The following FANCC variants were observed in gnomAD, a reference collection of about 807,000 sequenced individuals.
The protein encoded by FANCC is Fanconi anemia group C protein.
In FANCC, 55 loss-of-function variants were observed where a neutral mutation model predicts 71.3. That is an observed-to-expected ratio of 0.77 (90% CI 0.62 to 0.97). The LOEUF (loss-of-function observed/expected upper bound fraction) is 0.97. Among genes scored for constraint, FANCC ranks in the 50% least tolerant of loss-of-function variants. FANCC has a pLI of 0.00. For missense variants in FANCC, 678 were observed against 670.9 expected, an observed-to-expected ratio of 1.01 and a Z score of -0.12; for synonymous variants, 275 against 244.9, an observed-to-expected ratio of 1.12 and a Z score of -1.15.
chr9:95,181,587 C>T (rs1162862606), intron 4 of FANCC, among the ~76,000 whole-genome samples: 3 of 152,080 alleles, frequency 2.0e-5, no homozygotes, highest in Non-Finnish European at 4.4e-5. Flanking sequence ...ACTCTAACTC[C>T]CTCAGTTTAC....
chr9:95,230,541 G>C (rs974455935), intron 4 of FANCC, among the ~76,000 whole-genome samples: 1 of 152,136 alleles, frequency 6.6e-6, no homozygotes, highest in African/African-American at 2.4e-5. Context: ...AAGATGGTGT[G>C]TCCAGAGTTT....
intron 1 of FANCC, among the ~76,000 whole-genome samples, chr9:95,271,658 G>A (rs755636297): frequency 4.6e-5 from 7 of 152,052 alleles, no homozygotes; most frequent in South Asian, 2.1e-4. Flanking sequence ...AACTAATATC[G>A]CATCCTGCAA....
intron 1 of FANCC, chr9:95,294,574 T>G: frequency 6.5e-7 from 1 of 1,535,870 alleles, no homozygotes; most frequent in Non-Finnish European, 9.0e-7. Context: ...TGAAGGAATC[T>G]CCACTGTTAA....
intron 6 of FANCC, among the ~76,000 whole-genome samples, chr9:95,156,602 C>T (rs1022595376): frequency 6.6e-6 from 1 of 151,808 alleles, no homozygotes; most frequent in African/African-American, 2.4e-5. Flanking sequence ...CTTTTTGAGC[C>T]CTTTTAGAAG....
intron 14 of FANCC, among the ~76,000 whole-genome samples, chr9:95,106,000 G>A (rs966623934): frequency 2.0e-4 from 31 of 152,340 alleles, no homozygotes; most frequent in African/African-American, 7.5e-4. Flanking sequence ...AGAACTGCCT[G>A]CCACATGGTA....
At chr9:95,285,372 G>C (rs1243271402) in intron 1 of FANCC, among the ~76,000 whole-genome samples, 1 of 152,020 alleles carries the variant, frequency 6.6e-6, no homozygotes, top group Non-Finnish European at 1.5e-5. Flanking sequence ...CATTAGTACA[G>C]CTTATGTACT....
rs547287506 is a variant in FANCC at position 95,299,236 on chromosome 9, T to C, written c.-79+18290A>G. Among the ~76,000 whole-genome samples the C allele has an allele frequency of 9.8e-5, 15 of 152,354 alleles. 1 individual carries two copies. The highest frequency in any genetic ancestry group is 3.4e-4 in the African/African-American group (14 of 41,596). Reference sequence around the variant, plus strand: ...TAACTGCACAATATCAAAATCCCTATAATTTGTAATGAGCAATAAGAAAAC... The same window carrying C: ...TAACTGCACAATATCAAAATCCCTACAATTTGTAATGAGCAATAAGAAAAC... On this transcript the variant is annotated intron_variant, in intron 1 of 14. Transcript: ENST00000289081.
chr9:95,114,741 A>G, intron 11 of FANCC, 31 bp from the exon 12 acceptor site: 1 of 1,596,070 alleles, frequency 6.3e-7, no homozygotes, highest in South Asian at 1.1e-5. Context: ...GTCAGAGGGC[A>G]ACTGAGGAAA....
At chr9:95,291,806 A>G (rs1834019917) in intron 1 of FANCC, among the ~76,000 whole-genome samples, 1 of 151,320 alleles carries the variant, frequency 6.6e-6, no homozygotes, top group African/African-American at 2.4e-5. Context: ...AAATTAGCTG[A>G]GGATAGTGGC....
At chr9:95,272,030 G>T (rs1321637533) in intron 1 of FANCC, among the ~76,000 whole-genome samples, 1 of 139,650 alleles carries the variant, frequency 7.2e-6, no homozygotes. Flanking sequence ...TCAACCTCCC[G>T]GGTTCACGCC....
chr9:95,269,077 T>C (rs376467922), intron 1 of FANCC, among the ~76,000 whole-genome samples: 2 of 152,186 alleles, frequency 1.3e-5, no homozygotes, highest in African/African-American at 2.4e-5. Context: ...CTTTTAAAAC[T>C]AGAACCCTTG....
At chr9:95,273,802 C>T (rs1832876983) in intron 1 of FANCC, among the ~76,000 whole-genome samples, 1 of 152,208 alleles carries the variant, frequency 6.6e-6, no homozygotes, top group African/African-American at 2.4e-5. Flanking sequence ...TCTACGGGGT[C>T]AGTTGCTCAT....
intron 7 of FANCC, among the ~76,000 whole-genome samples, chr9:95,136,079 G>T (rs756552329): frequency 9.2e-5 from 14 of 152,160 alleles, no homozygotes; most frequent in Admixed American, 2.6e-4. Flanking sequence ...TCGGTTGCTT[G>T]AAAGTTGAAA....
At chr9:95,154,653 A>G (rs1184661630) in intron 6 of FANCC, among the ~76,000 whole-genome samples, 2 of 151,812 alleles carry the variant, frequency 1.3e-5, no homozygotes, top group Admixed American at 6.6e-5. Flanking sequence ...ATGTGAAGTA[A>G]AAGTGTTAAA....
At chr9:95,252,274 CA>C (rs71366284) in intron 1 of FANCC, among the ~76,000 whole-genome samples, 85 of 50,162 alleles carry the variant, frequency 1.7e-3, no homozygotes, top group African/African-American at 5.0e-3. Flanking sequence ...GAGACTGATT[CA>C]AAAAAAAAAA....
intron 1 of FANCC, among the ~76,000 whole-genome samples, chr9:95,278,658 G>T (rs1182042572): frequency 6.6e-6 from 1 of 152,074 alleles, no homozygotes. Flanking sequence ...ACTACATTAG[G>T]TGTATTAAGT....
At chr9:95,279,144 C>T (rs1450837411) in intron 1 of FANCC, among the ~76,000 whole-genome samples, 1 of 151,930 alleles carries the variant, frequency 6.6e-6, no homozygotes, top group African/African-American at 2.4e-5. Flanking sequence ...GGTGAAACCC[C>T]CCGTCTCTAC....
intron 5 of FANCC, among the ~76,000 whole-genome samples, chr9:95,171,481 T>C (rs2135583177): frequency 6.6e-6 from 1 of 151,938 alleles, no homozygotes; most frequent in Non-Finnish European, 1.5e-5. Context: ...AAAGTTGTTA[T>C]TGTACAAAGC....
intron 4 of FANCC, among the ~76,000 whole-genome samples, chr9:95,233,898 T>C (rs962632159): frequency 6.6e-6 from 1 of 152,164 alleles, no homozygotes; most frequent in South Asian, 2.1e-4. Context: ...TCACAAGTAG[T>C]CCAAGTGGGA....
Sources: gnomAD v4.1 joint callset for allele counts (sites outside exome capture counted in the v4.1 genomes callset) on GRCh38, gnomAD v4.1.1 for gene constraint, MANE v1.5 for transcripts, NCBI Gene and HGNC (gene_info 2026-07-23, HGNC 2026-07-21) for gene names.